The following YIPF1 variants were observed in gnomAD, a reference collection of about 807,000 sequenced individuals.
YIPF1 encodes the protein protein YIPF1.
A neutral mutation model predicts 37.0 loss-of-function variants in YIPF1; 22 were observed. The ratio of observed to expected loss-of-function variants is 0.59; its 90% CI spans 0.42 to 0.85. The LOEUF is 0.85. YIPF1 is among the 40% of genes least tolerant of loss of function. YIPF1 has a pLI of 0.00. For synonymous variants in YIPF1, 128 were observed against 131.9 expected, an observed-to-expected ratio of 0.97 and a Z score of 0.21; for missense variants, 355 against 373.1, an observed-to-expected ratio of 0.95 and a Z score of 0.40.
chr1:53,878,305 C>T lies in YIPF1; in HGVS notation c.364+10G>A, dbSNP rs769400226. 4.3e-6 allele frequency: 7 copies of T among 1,613,208 alleles called. No individual in the cohort carries two copies. Among genetic ancestry groups the T allele is most frequent in the South Asian group, 1.1e-5 (1 of 90,850 alleles). ...CTGAAATACGGTAAACAAATCAGTA[C>T]TAAACATACCATAGAGATCTGGATT... On this transcript the variant is annotated intron_variant, in intron 6 of 10. Coordinates refer to ENST00000072644, the MANE Select transcript of YIPF1 (RefSeq NM_018982.5).
chr1:53,876,679 C>T (rs545906056), intron 6 of YIPF1, among the ~76,000 whole-genome samples: 2 of 152,314 alleles, frequency 1.3e-5, no homozygotes, highest in East Asian at 3.9e-4. Flanking sequence ...TGTATAATCT[C>T]AGGCAAGTTA....
chr1:53,871,270 A>C lies in YIPF1; in HGVS notation c.481+102T>G, dbSNP rs78992450. On this transcript the variant is annotated intron_variant, in intron 7 of 10. Transcript: ENST00000072644. Reference sequence around the variant, plus strand: ...ACATTGAACCCTAAAACACAAAAGCAGGGCTGCAGCATCTAGAGATGGGGC... The same window carrying C: ...ACATTGAACCCTAAAACACAAAAGCCGGGCTGCAGCATCTAGAGATGGGGC... The C allele has an allele frequency of 6.4e-3, 5,981 of 933,034 alleles. 256 individuals are homozygous for C. In the African/African-American group the frequency reaches 0.088, roughly 14 times the overall value. 57.8% of individuals were successfully genotyped at this position (933,034 alleles called of 1,614,324 possible). A position where few individuals can be genotyped will look rare whatever the true frequency, so the allele number is the denominator to read the frequency against.
chr1:53,861,294 G>A (rs1649867518), intron 9 of YIPF1, among the ~76,000 whole-genome samples: 1 of 152,084 alleles, frequency 6.6e-6, no homozygotes. Flanking sequence ...TGGGGGATGG[G>A]GCCACAGTGC....
At chr1:53,866,089 C>A in intron 9 of YIPF1, 111 bp downstream of exon 9, 1 of 1,370,738 alleles carries the variant, frequency 7.3e-7, no homozygotes, top group Non-Finnish European at 9.9e-7. Context: ...TGTGAGCCAA[C>A]ATGCCCAGCC....
At chr1:53,865,347 A>G (rs1180753805) in intron 9 of YIPF1, among the ~76,000 whole-genome samples, 2 of 152,198 alleles carry the variant, frequency 1.3e-5, no homozygotes, top group Non-Finnish European at 2.9e-5. Context: ...CTCAGGCTCA[A>G]CCAACCACGA....
At chr1:53,860,616 C>T (rs979590642) in intron 9 of YIPF1, among the ~76,000 whole-genome samples, 2 of 152,192 alleles carry the variant, frequency 1.3e-5, no homozygotes, top group African/African-American at 4.8e-5. Context: ...AGCACCCCTG[C>T]ACAGGGCCTG....
intron 7 of YIPF1, among the ~76,000 whole-genome samples, chr1:53,868,215 A>T (rs1170676968): frequency 6.6e-6 from 1 of 152,084 alleles, no homozygotes; most frequent in African/African-American, 2.4e-5. Context: ...GGAGGAAATT[A>T]CTCCCATGGC....
intron 9 of YIPF1, among the ~76,000 whole-genome samples, chr1:53,861,687 A>AAGGAAGGAAGGGAGTGT: frequency 9.5e-6 from 1 of 105,326 alleles, no homozygotes; most frequent in South Asian, 3.9e-4. Flanking sequence ...GAAGGGAGAG[A>AAGGAAGGAAGGGAGTGT]GAGAGGGAGG....
At chr1:53,877,871 C>A (rs112183614) in intron 6 of YIPF1, among the ~76,000 whole-genome samples, 23 of 152,292 alleles carry the variant, frequency 1.5e-4, no homozygotes, top group South Asian at 4.1e-4. Context: ...CCAGGCTGGT[C>A]TCAAACTCCT....
intron 3 of YIPF1, 33 bp downstream of exon 3, chr1:53,888,874 A>C (rs1278608944): frequency 6.4e-7 from 1 of 1,555,772 alleles, no homozygotes. Context: ...AACAGTGATC[A>C]TAAATATAAA....
intron 7 of YIPF1, among the ~76,000 whole-genome samples, chr1:53,869,406 T>C (rs1650119111): frequency 6.6e-6 from 1 of 152,152 alleles, no homozygotes; most frequent in African/African-American, 2.4e-5. Flanking sequence ...TCTAAGCTTT[T>C]TATATATATT....
At position 53,866,844 on chromosome 1, in the gene YIPF1, T is replaced by C. The variant is rs777945932; in HGVS notation, c.562A>G (p.Ser188Gly). The C allele has an allele frequency of 3.7e-6, 6 of 1,614,106 alleles. No individual in the cohort carries two copies. The African/African-American group carries it at 5.3e-5, about 14-fold the overall frequency. ...TAGGAGACGATGTTCATAACTTTGC[T>C]GTTTCTCCACATGAGGAAACCCCAG... ...ALWGFLMWRN[S>G]KVMNIVSYSF... is the part of the protein sequence containing the mutation. Residue 188 changes from serine (S) to glycine (G), a missense_variant, in exon 8 of 11, where the codon AGC (serine) becomes GGC (glycine). Transcript: ENST00000072644.
At chr1:53,884,234 C>CAAAAAA (rs3058236) in intron 3 of YIPF1, among the ~76,000 whole-genome samples, 18,603 of 112,912 alleles carry the variant, frequency 0.16, 1,260 homozygotes, top group Middle Eastern at 0.26. Context: ...GACTTTGTCT[C>CAAAAAA]AAAAAAAAAA....
At chr1:53,874,669 A>G (rs1650289187) in intron 6 of YIPF1, among the ~76,000 whole-genome samples, 1 of 152,106 alleles carries the variant, frequency 6.6e-6, no homozygotes, top group East Asian at 1.9e-4. Flanking sequence ...GGGAAGGCTG[A>G]GGCAGGAGAA....
At chr1:53,863,734 A>G (rs1048979741) in intron 9 of YIPF1, among the ~76,000 whole-genome samples, 1 of 151,598 alleles carries the variant, frequency 6.6e-6, no homozygotes, top group Non-Finnish European at 1.5e-5. Flanking sequence ...ACTAGATGAA[A>G]TGGGTTCTTT....
chr1:53,881,682 T>C (rs1431571343), intron 4 of YIPF1, among the ~76,000 whole-genome samples: 1 of 152,150 alleles, frequency 6.6e-6, no homozygotes, highest in Non-Finnish European at 1.5e-5. Flanking sequence ...CCAGTCAGAA[T>C]GGTGATTATT....
Position 53,871,445 on chromosome 1 carries a change from A to G in YIPF1, c.408T>C (p.Ile136=). The G allele has an allele frequency of 1.2e-6, 2 of 1,614,122 alleles. No individual in the cohort carries two copies. Among genetic ancestry groups the G allele is most frequent in the Non-Finnish European group, 1.7e-6 (2 of 1,179,958 alleles). Reference sequence around the variant, plus strand: ...TCAAGAAGTTGGAAAGATTCCCACTAATTGCTATGGCAAAGACCAACGTGG... The same window carrying G: ...TCAAGAAGTTGGAAAGATTCCCACTGATTGCTATGGCAAAGACCAACGTGG... The part of the protein sequence containing the change: ...ICATLVFAIA[I]SGNLSNFLIH... Residue 136 remains isoleucine (I), a synonymous_variant, in exon 7 of 11, where the codon ATT becomes ATC. Coordinates refer to ENST00000072644, the MANE Select transcript of YIPF1 (RefSeq NM_018982.5).
At chr1:53,867,367 CTTTTTTTTTTTTTTT>C (rs57424528) in intron 7 of YIPF1, among the ~76,000 whole-genome samples, 1 of 111,582 alleles carries the variant, frequency 9.0e-6, no homozygotes, top group Non-Finnish European at 1.8e-5. Context: ...CACTGACTTC[CTTTTTTTTTTTTTTT>C]TTTTTTTTGA....
chr1:53,888,547 A>G (rs1650716830), intron 3 of YIPF1, among the ~76,000 whole-genome samples: 1 of 152,034 alleles, frequency 6.6e-6, no homozygotes, highest in African/African-American at 2.4e-5. Flanking sequence ...ATTTTTATCT[A>G]CTCCACCAGT....
Sources: allele counts gnomAD v4.1 joint callset (sites outside exome capture counted in the v4.1 genomes callset), GRCh38; gene constraint gnomAD v4.1.1; transcripts MANE v1.5; gene names NCBI Gene and HGNC (gene_info 2026-07-23, HGNC 2026-07-21).